The following ARMC8 variants were observed in gnomAD, a reference collection of about 807,000 sequenced individuals.
The protein encoded by ARMC8 is armadillo repeat-containing protein 8.
In ARMC8, 20 loss-of-function variants were observed where a neutral mutation model predicts 99.3. The ratio of observed to expected loss-of-function variants is 0.20; its 90% CI spans 0.14 to 0.29. The LOEUF (loss-of-function observed/expected upper bound fraction) is 0.29. Ranked by LOEUF, ARMC8 falls within the 10% of genes least tolerant of loss-of-function variation. The pLI, the probability that ARMC8 is intolerant of heterozygous loss-of-function variation, is 1.00. For missense variants in ARMC8, 569 were observed against 809.5 expected (o/e 0.70, Z 3.60); for synonymous variants, 263 against 278.3 (o/e 0.95, Z 0.55).
intron 12 of ARMC8, chr3:138,262,090 T>C (rs149803085): frequency 0.016 from 2,406 of 153,806 alleles, 52 homozygotes; most frequent in African/African-American, 0.055. Flanking sequence ...ACATCAGCAG[T>C]TGGTATCTGG....
At chr3:138,220,143 T>C (rs1490802764) in intron 2 of ARMC8, among the ~76,000 whole-genome samples, 2 of 152,212 alleles carry the variant, frequency 1.3e-5, no homozygotes, top group Non-Finnish European at 2.9e-5. Flanking sequence ...AACAAGCTGG[T>C]AGGTTAAGGT....
At chr3:138,229,039 A>G (rs1287833064) in intron 6 of ARMC8, 29 bp downstream of exon 6, 1 of 1,528,756 alleles carries the variant, frequency 6.5e-7, no homozygotes, top group Non-Finnish European at 8.9e-7. Flanking sequence ...GTTATCTATA[A>G]TGTAAAATCT....
intron 1 of ARMC8, among the ~76,000 whole-genome samples, chr3:138,196,862 C>A (rs1040110261): frequency 1.3e-5 from 2 of 151,956 alleles, no homozygotes; most frequent in Non-Finnish European, 2.9e-5. Context: ...AGTGAAACTC[C>A]GTCTCAAAAA....
chr3:138,245,855 C>G (rs1166325972), intron 12 of ARMC8: 82 of 985,450 alleles, frequency 8.3e-5, no homozygotes, highest in Non-Finnish European at 9.6e-5. Context: ...TGGCTCCTTC[C>G]ACAAACCAAA....
chr3:138,203,935 A>G (rs2044218966), intron 1 of ARMC8, among the ~76,000 whole-genome samples: 1 of 152,202 alleles, frequency 6.6e-6, no homozygotes, highest in African/African-American at 2.4e-5. Flanking sequence ...TGTCAAATTT[A>G]TAATCACAAG....
At chr3:138,286,123 A>G (rs1161216636) in intron 19 of ARMC8, among the ~76,000 whole-genome samples, 1 of 152,058 alleles carries the variant, frequency 6.6e-6, no homozygotes, top group Non-Finnish European at 1.5e-5. Flanking sequence ...TTGTATTTTT[A>G]GAAGAGATGG....
Position 138,254,047 on chromosome 3 carries a change from C to A in ARMC8, c.1134+8864C>A, listed in dbSNP as rs189481642. 3.3e-4 allele frequency among the ~76,000 whole-genome samples: 51 copies of A among 152,298 alleles called. No individual in the cohort carries two copies. The East Asian group carries it at 8.5e-3, about 25-fold the overall frequency. ...GTTTTGACCCATAGAACATGAGGGA[C>A]CTCCATATCTGTGTTCCTTCTGCAT... is the stretch of plus-strand genomic sequence containing the variant. On this transcript the variant is annotated intron_variant, in intron 12 of 21. Coordinates refer to ENST00000469044, the MANE Select transcript of ARMC8 (RefSeq NM_001363941.2).
chr3:138,188,594 C>G (rs1312591475), intron 1 of ARMC8: 1 of 1,603,862 alleles, frequency 6.2e-7, no homozygotes, highest in Non-Finnish European at 8.5e-7. Context: ...GATTGACCAT[C>G]TTTTAGACTT....
At chr3:138,262,640 G>T in intron 12 of ARMC8, 2 of 1,503,854 alleles carry the variant, frequency 1.3e-6, no homozygotes, top group South Asian at 2.6e-5. Context: ...TGACCCTGGA[G>T]AATCTAATTT....
Position 138,209,244 on chromosome 3 carries a change from A to G in ARMC8, c.46-573A>G, listed in dbSNP as rs570818653. ...AGAAACTTAGCTTGCTGCTAAGTGT[A>G]TATGCTAACATATTTGCCTAGGTCT... On this transcript the variant is annotated intron_variant, in intron 1 of 21. Coordinates refer to ENST00000469044, the MANE Select transcript of ARMC8 (RefSeq NM_001363941.2). 4.6e-5 allele frequency among the ~76,000 whole-genome samples: 7 copies of G among 152,362 alleles called. No homozygotes were observed. The South Asian group carries it at 1.2e-3, about 27-fold the overall frequency.
intron 1 of ARMC8, among the ~76,000 whole-genome samples, chr3:138,195,726 A>G (rs2043692467): frequency 6.6e-6 from 1 of 152,138 alleles, no homozygotes; most frequent in South Asian, 2.1e-4. Context: ...TCCTCTAGAA[A>G]TTGGAGAGCA....
At chr3:138,206,364 G>A (rs2044371858) in intron 1 of ARMC8, among the ~76,000 whole-genome samples, 1 of 152,162 alleles carries the variant, frequency 6.6e-6, no homozygotes, top group Admixed American at 6.5e-5. Context: ...TGGCTTACTG[G>A]ACAGTGCAGC....
intron 11 of ARMC8, 112 bp downstream of exon 11, chr3:138,242,095 G>T: frequency 1.3e-6 from 1 of 797,494 alleles, no homozygotes; most frequent in Non-Finnish European, 2.0e-6. Flanking sequence ...TTTAAATAAA[G>T]GTTCTTTTAT....
At chr3:138,291,390 T>C (rs2050936187) in intron 21 of ARMC8, among the ~76,000 whole-genome samples, 1 of 152,236 alleles carries the variant, frequency 6.6e-6, no homozygotes, top group Non-Finnish European at 1.5e-5. Context: ...ACACATTCTG[T>C]TCCATCTACT....
At chr3:138,244,544 C>T (rs776893317) in intron 11 of ARMC8, among the ~76,000 whole-genome samples, 53 of 152,178 alleles carry the variant, frequency 3.5e-4, no homozygotes, top group Non-Finnish European at 7.1e-4. Flanking sequence ...TCCCAAAGTG[C>T]TGGGATTACA....
At position 138,224,813 on chromosome 3, in the gene ARMC8, T is replaced by A. The variant is rs142672127; in HGVS notation, c.435+1080T>A. Among the ~76,000 whole-genome samples the A allele has an allele frequency of 2.6e-4, 40 of 152,360 alleles. No homozygotes were observed. In the East Asian group the frequency reaches 7.5e-3, roughly 29 times the overall value. ...CAAAAAGTATTTGAGTTCTTTCTTA[T>A]TTCCAAATATCAGATGCTCTCAGCT... On this transcript the variant is annotated intron_variant, in intron 5 of 21. Coordinates refer to ENST00000469044, the MANE Select transcript of ARMC8 (RefSeq NM_001363941.2).
At chr3:138,281,356 G>A (rs996616899) in intron 18 of ARMC8, among the ~76,000 whole-genome samples, 3 of 150,964 alleles carry the variant, frequency 2.0e-5, no homozygotes, top group African/African-American at 7.3e-5. Context: ...GCAGTGACGC[G>A]ATATCGGCTC....
At chr3:138,239,289 G>C in intron 9 of ARMC8, 179 bp from the exon 10 acceptor site, 1 of 522,526 alleles carries the variant, frequency 1.9e-6, no homozygotes, top group Non-Finnish European at 3.4e-6. Flanking sequence ...TTGTCAGTTA[G>C]TTTTCTTTGA....
intron 12 of ARMC8, chr3:138,246,105 T>C (rs1040630075): frequency 3.0e-6 from 3 of 985,426 alleles, no homozygotes; most frequent in Non-Finnish European, 3.6e-6. Context: ...AGAGAAGTTC[T>C]TCAGGCCTGT....
Sources: allele counts gnomAD v4.1 joint callset (sites outside exome capture counted in the v4.1 genomes callset), GRCh38; gene constraint gnomAD v4.1.1; transcripts MANE v1.5; gene names NCBI Gene and HGNC (gene_info 2026-07-23, HGNC 2026-07-21).